SCD5: variants seen among roughly 807,000 people sequenced by gnomAD.
The protein encoded by SCD5 is acyl-CoA-desaturase 4.
In SCD5, 20 loss-of-function variants were observed where a neutral mutation model predicts 30.4. The observed-to-expected ratio is 0.66, with a 90% confidence interval of 0.46 to 0.96. SCD5 has a LOEUF of 0.96. Among genes scored for constraint, SCD5 ranks in the 40% least tolerant of loss-of-function variants. The probability of loss-of-function intolerance (pLI) is 0.00; values close to 1 mark genes in which losing one functional copy is unlikely to be tolerated. For synonymous variants in SCD5, 173 were observed against 176.4 expected (o/e 0.98, Z 0.16); for missense variants, 381 against 443.3 (o/e 0.86, Z 1.26).
At chr4:82,741,099 ATTTT>A (rs34852290) in intron 1 of SCD5, among the ~76,000 whole-genome samples, 10 of 139,242 alleles carry the variant, frequency 7.2e-5, no homozygotes, top group African/African-American at 1.6e-4. Flanking sequence ...GTGCCAGCTA[ATTTT>A]TTTTTTTTTT....
chr4:82,774,360 G>C (rs1259235724), intron 1 of SCD5, among the ~76,000 whole-genome samples: 1 of 152,054 alleles, frequency 6.6e-6, no homozygotes, highest in Non-Finnish European at 1.5e-5. Flanking sequence ...ATTAACGCAT[G>C]AAAAAACAGC....
At chr4:82,735,482 A>T (rs1287497322) in intron 1 of SCD5, among the ~76,000 whole-genome samples, 1 of 152,210 alleles carries the variant, frequency 6.6e-6, no homozygotes, top group African/African-American at 2.4e-5. Context: ...AATTACAGTA[A>T]AATAAAAATT....
intron 2 of SCD5, among the ~76,000 whole-genome samples, chr4:82,704,991 GC>G (rs1434433806): frequency 2.0e-5 from 3 of 152,248 alleles, no homozygotes; most frequent in Admixed American, 6.5e-5. Context: ...CCTGGTTAGG[GC>G]TGGACAAATG....
chr4:82,719,582 C>T (rs938659590), intron 1 of SCD5, among the ~76,000 whole-genome samples: 1 of 150,086 alleles, frequency 6.7e-6, no homozygotes, highest in African/African-American at 2.5e-5. Flanking sequence ...CGGCTCACTG[C>T]AAATTCCGCC....
chr4:82,669,579 G>A (rs2148818785), intron 3 of SCD5, among the ~76,000 whole-genome samples: 1 of 152,332 alleles, frequency 6.6e-6, no homozygotes, highest in Non-Finnish European at 1.5e-5. Flanking sequence ...AATTGCTGGA[G>A]GCTAGGTATG....
At chr4:82,694,332 C>T (rs578013912) in intron 2 of SCD5, among the ~76,000 whole-genome samples, 7 of 152,304 alleles carry the variant, frequency 4.6e-5, no homozygotes, top group African/African-American at 1.4e-4. Context: ...TTCTGCTGGG[C>T]GGAGGGGCCA....
At chr4:82,757,115 C>A (rs1052347761) in intron 1 of SCD5, among the ~76,000 whole-genome samples, 2 of 152,172 alleles carry the variant, frequency 1.3e-5, no homozygotes, top group African/African-American at 2.4e-5. Flanking sequence ...ACATAAGGAG[C>A]CTTCCCCACC....
intron 1 of SCD5, among the ~76,000 whole-genome samples, chr4:82,771,245 A>G (rs991958336): frequency 1.3e-5 from 2 of 152,196 alleles, no homozygotes; most frequent in African/African-American, 2.4e-5. Flanking sequence ...TTGGGATTAC[A>G]GGCACGAGCC....
rs1722288568 is a variant in SCD5, at chr4:82,798,683, C to T, written c.-146G>A. 3 of 690,010 alleles carry T rather than the reference C, an allele frequency of 4.3e-6. No homozygotes were observed. The East Asian group carries it at 8.4e-5, about 19-fold the overall frequency. 42.7% of individuals were successfully genotyped at this position (690,010 alleles called of 1,614,324 possible). ...CCCTCCTTCCAGCCCTTCTCCCGGG[C>T]TCCTGCGCTCTTCCCCAGGGTCTTA... On this transcript the variant is annotated 5_prime_UTR_variant, in exon 1 of 5. Transcript: ENST00000319540.
At position 82,705,299 on chromosome 4, in the gene SCD5, T is replaced by A; in HGVS notation, c.347A>T (p.Asn116Ile). 6.2e-7 allele frequency: 1 copy of A among 1,614,010 alleles called. No individual in the cohort carries two copies. Among genetic ancestry groups the A allele is most frequent in the South Asian group, 1.1e-5 (1 of 91,056 alleles). ...LPLRIFLAVANSMAFQNDIFE... is the reference protein window; with the variant it reads ...LPLRIFLAVAISMAFQNDIFE... ...CATCCTCACCTGGAAAGCCATGGAG[T>A]TGGCGACAGCCAGAAATATCCTCAG... is the stretch of plus-strand genomic sequence containing the variant. Residue 116 changes from asparagine to isoleucine, a missense_variant, in exon 2 of 5, where the codon AAC (asparagine) becomes ATC (isoleucine). Coordinates refer to ENST00000319540, the MANE Select transcript of SCD5 (RefSeq NM_001037582.3).
intron 1 of SCD5, among the ~76,000 whole-genome samples, chr4:82,732,186 T>C (rs1720658478): frequency 1.3e-5 from 2 of 152,048 alleles, no homozygotes; most frequent in African/African-American, 2.4e-5. Flanking sequence ...CTGCAACCTC[T>C]GCCTCCCGAG....
chr4:82,739,908 G>A (rs891320276), intron 1 of SCD5, among the ~76,000 whole-genome samples: 4 of 152,034 alleles, frequency 2.6e-5, no homozygotes, highest in African/African-American at 9.7e-5. Flanking sequence ...TGCAGGTCCC[G>A]ACCCCTCTCC....
chr4:82,675,602 C>T (rs556471748), intron 3 of SCD5, among the ~76,000 whole-genome samples: 10 of 152,312 alleles, frequency 6.6e-5, no homozygotes, highest in African/African-American at 2.4e-4. Flanking sequence ...TGTGTCTGGA[C>T]TAGCATCCTC....
intron 3 of SCD5, among the ~76,000 whole-genome samples, chr4:82,664,916 G>A (rs1401206663): frequency 6.7e-6 from 1 of 148,844 alleles, no homozygotes; most frequent in Non-Finnish European, 1.5e-5. Flanking sequence ...AGGATCACTT[G>A]AGGCCAGGAG....
At chr4:82,708,348 G>A (rs1302860165) in intron 1 of SCD5, among the ~76,000 whole-genome samples, 1 of 152,062 alleles carries the variant, frequency 6.6e-6, no homozygotes, top group Non-Finnish European at 1.5e-5. Flanking sequence ...TCCCAAAACA[G>A]AACAAAGCAA....
chr4:82,749,224 A>T (rs978755962), intron 1 of SCD5, among the ~76,000 whole-genome samples: 11 of 152,216 alleles, frequency 7.2e-5, no homozygotes, highest in Admixed American at 6.5e-4. Context: ...GGGAGTCGCT[A>T]GGAGATATAT....
At chr4:82,752,029 T>C (rs1436647552) in intron 1 of SCD5, among the ~76,000 whole-genome samples, 1 of 152,196 alleles carries the variant, frequency 6.6e-6, no homozygotes, top group East Asian at 1.9e-4. Flanking sequence ...AAACCCTGGA[T>C]TGTGGATTTT....
chr4:82,718,164 C>G (rs991135104), intron 1 of SCD5, among the ~76,000 whole-genome samples: 1 of 151,042 alleles, frequency 6.6e-6, no homozygotes, highest in African/African-American at 2.5e-5. Flanking sequence ...CACAGAAGAG[C>G]TGGCAGGCAC....
intron 1 of SCD5, among the ~76,000 whole-genome samples, chr4:82,742,304 TAG>T (rs1216895360): frequency 2.0e-5 from 3 of 151,974 alleles, no homozygotes; most frequent in African/African-American, 7.3e-5. Flanking sequence ...TTTTCCTGAG[TAG>T]AGTGTGCCCT....
Sources: gnomAD v4.1 joint callset for allele counts (sites outside exome capture counted in the v4.1 genomes callset) on GRCh38, gnomAD v4.1.1 for gene constraint, MANE v1.5 for transcripts, NCBI Gene and HGNC (gene_info 2026-07-23, HGNC 2026-07-21) for gene names.